The following VDAC3 variants were observed in gnomAD, a reference collection of about 807,000 sequenced individuals.
VDAC3 encodes the protein voltage dependent anion channel 3, also known as non-selective voltage-gated ion channel VDAC3.
A neutral mutation model predicts 33.9 loss-of-function variants in VDAC3; 7 were observed. That is an observed-to-expected ratio of 0.21 (90% confidence interval 0.12 to 0.39). The LOEUF is 0.39. Among genes scored for constraint, VDAC3 ranks in the 10% least tolerant of loss-of-function variants. The probability of loss-of-function intolerance (pLI) is 1.00; values close to 1 mark genes in which losing one functional copy is unlikely to be tolerated. For missense variants in VDAC3, 261 were observed against 334.5 expected, an observed-to-expected ratio of 0.78 and a Z score of 1.71; for synonymous variants, 100 against 122.4, an observed-to-expected ratio of 0.82 and a Z score of 1.21.
intron 8 of VDAC3, among the ~76,000 whole-genome samples, chr8:42,404,049 T>A (rs1161138913): frequency 1.3e-5 from 2 of 152,158 alleles, no homozygotes; most frequent in African/African-American, 4.8e-5. Flanking sequence ...CTATAGTAAC[T>A]CTTACTAAAA....
At chr8:42,395,271 A>G in intron 4 of VDAC3, 138 bp downstream of exon 4, 1 of 1,309,592 alleles carries the variant, frequency 7.6e-7, no homozygotes, top group Non-Finnish European at 1.0e-6. Flanking sequence ...TTTAAACAGC[A>G]TTCTTAGCCA....
rs1410393602 is a variant in VDAC3, at chr8:42,405,805, T to G, written c.*343T>G. On this transcript the variant is annotated 3_prime_UTR_variant, in exon 10 of 10. Coordinates refer to ENST00000022615, the MANE Select transcript of VDAC3 (RefSeq NM_005662.7). The stretch of plus-strand genomic sequence containing the variant: ...CTGCATGTCCCACACCATTTTTTCA[T>G]GACCTTGTAATATACTGGTCTCTGT... 1 of 213,028 alleles carries G rather than the reference T, an allele frequency of 4.7e-6. No individual in the cohort carries two copies. The allele number at this position is 213,028 out of a possible 1,614,324, so 13.2% of individuals were successfully genotyped here.
At chr8:42,399,030 CTTTG>C (rs1472276815) in intron 5 of VDAC3, among the ~76,000 whole-genome samples, 166 bp downstream of exon 5, 8 of 151,610 alleles carry the variant, frequency 5.3e-5, no homozygotes, top group African/African-American at 1.7e-4. Context: ...GAAAATAAGG[CTTTG>C]TTTGTGAGTA....
rs188578293 is a variant in VDAC3, at chr8:42,402,002, C to T, written c.538C>T (p.Leu180=). The change falls in exon 7 of 10, where the codon CTG becomes TTG. Residue 180 remains leucine, a synonymous_variant. Transcript: ENST00000022615. The part of the protein sequence containing the change: ...ALGYKAADFQ[L]HTHVNDGTEF... ...GGGTTACAAGGCTGCGGACTTCCAG[C>T]TGCACACACATGTGTGAGTGTTTAT... 2.8e-4 allele frequency: 457 copies of T among 1,614,240 alleles called. No homozygotes were observed. The highest frequency in any genetic ancestry group is 3.7e-4 in the Non-Finnish European group (440 of 1,180,030).
chr8:42,403,511 T>G (rs1016484223), intron 8 of VDAC3, 50 bp downstream of exon 8: 15 of 1,497,494 alleles, frequency 1.0e-5, no homozygotes, highest in Middle Eastern at 3.6e-4. Flanking sequence ...GTGTCTAAGT[T>G]TTCAGAGAAT....
intron 6 of VDAC3, among the ~76,000 whole-genome samples, chr8:42,400,910 G>T (rs1056136442): frequency 6.6e-6 from 1 of 151,704 alleles, no homozygotes; most frequent in South Asian, 2.1e-4. Context: ...GTTCCGCCTG[G>T]CTCGGCCTCC....
chr8:42,396,646 CA>C (rs1340616425), intron 4 of VDAC3: 3 of 691,124 alleles, frequency 4.3e-6, no homozygotes, highest in Non-Finnish European at 7.9e-6. Context: ...ATCTCCCTTT[CA>C]TGCTGCTGTT....
chr8:42,394,018 C>T (rs898056446), intron 2 of VDAC3, 134 bp downstream of exon 2: 1 of 510,882 alleles, frequency 2.0e-6, no homozygotes, highest in East Asian at 3.1e-5. Context: ...GTTTTATTCT[C>T]AGTATTCTGG....
At chr8:42,394,479 C>T (rs1802269462) in intron 3 of VDAC3, among the ~76,000 whole-genome samples, 1 of 152,164 alleles carries the variant, frequency 6.6e-6, no homozygotes. Context: ...CAATTATATA[C>T]ATATACAGAT....
chr8:42,397,961 AC>A (rs58192989), intron 4 of VDAC3, among the ~76,000 whole-genome samples: 28,897 of 152,070 alleles, frequency 0.19, 5,888 homozygotes, highest in African/African-American at 0.51. Flanking sequence ...ATAAAAAAAA[AC>A]ATTTTTAAAA....
intron 9 of VDAC3, 52 bp downstream of exon 9, chr8:42,404,976 A>G (rs760492362): frequency 6.5e-7 from 1 of 1,531,954 alleles, no homozygotes; most frequent in South Asian, 1.1e-5. Context: ...TGATAGAGAA[A>G]ACAATGAAAA....
At chr8:42,404,670 C>T (rs948264849) in intron 8 of VDAC3, among the ~76,000 whole-genome samples, 197 bp from the exon 9 acceptor site, 5 of 147,626 alleles carry the variant, frequency 3.4e-5, no homozygotes, top group African/African-American at 1.0e-4. Flanking sequence ...TGCAGTGAGC[C>T]GAGATCGTGC....
intron 9 of VDAC3, 35 bp from the exon 10 acceptor site, chr8:42,405,336 T>C: frequency 6.5e-7 from 1 of 1,539,298 alleles, no homozygotes; most frequent in Non-Finnish European, 9.0e-7. Flanking sequence ...TTGTAATACT[T>C]GTTTCAAGTG....
Position 42,403,334 on chromosome 8 carries a change from G to T in VDAC3, c.575G>T (p.Gly192Val). The part of the protein sequence containing the change: ...THVNDGTEFG[G>V]SIYQKVNEKI... ...AGGAACGATGGCACTGAATTTGGAG[G>T]TTCTATCTACCAGAAGGTGAATGAG... Residue 192 changes from glycine to valine, a missense_variant, in exon 8 of 10, where the codon GGT (glycine) becomes GTT (valine). Coordinates refer to ENST00000022615, the MANE Select transcript of VDAC3 (RefSeq NM_005662.7). 6.2e-7 allele frequency: 1 copy of T among 1,614,012 alleles called. No individual in the cohort carries two copies. The highest frequency in any genetic ancestry group is 2.2e-5 in the East Asian group (1 of 44,864).
chr8:42,397,920 G>T (rs1202622519), intron 4 of VDAC3, among the ~76,000 whole-genome samples: 1 of 151,784 alleles, frequency 6.6e-6, no homozygotes, highest in Non-Finnish European at 1.5e-5. Flanking sequence ...TTATTAAAAT[G>T]GTAAAATGTA....
chr8:42,395,035 A>G lies in VDAC3; in HGVS notation c.68-49A>G, dbSNP rs762921318. The G allele has an allele frequency of 3.7e-6, 6 of 1,611,506 alleles. No homozygotes were observed. The Admixed American group carries it at 8.3e-5, about 22-fold the overall frequency. On this transcript the variant is annotated intron_variant, in intron 3 of 9. Coordinates refer to ENST00000022615, the MANE Select transcript of VDAC3 (RefSeq NM_005662.7). ...AATTTCTGAGTTGCAAAAACTAGTGAATGTCACATTTTGTACATTACTGTG... is the reference window on the plus strand; with the variant it reads ...AATTTCTGAGTTGCAAAAACTAGTGGATGTCACATTTTGTACATTACTGTG...
rs530379101 is a variant in VDAC3, at chr8:42,397,964, T to C, written c.118-748T>C. ...GTATTTACCACAATAAAAAAAAACATTTTTAAAAGGAAGTAGTAAAGTGTT... is the reference window on the plus strand; with the variant it reads ...GTATTTACCACAATAAAAAAAAACACTTTTAAAAGGAAGTAGTAAAGTGTT... On this transcript the variant is annotated intron_variant, in intron 4 of 9. Transcript: ENST00000022615. Among the ~76,000 whole-genome samples, 8 of 152,134 alleles carry C rather than the reference T, an allele frequency of 5.3e-5. No individual in the cohort carries two copies. In the South Asian group the frequency reaches 1.7e-3, roughly 32 times the overall value.
In VDAC3 at chr8:42,395,079, T is replaced by C. The variant is rs371761191; in HGVS notation, c.68-5T>C. The C allele has an allele frequency of 4.3e-6, 7 of 1,613,996 alleles. 1 individual carries two copies. Among genetic ancestry groups the C allele is most frequent in the Non-Finnish European group, 5.1e-6 (6 of 1,179,956 alleles). ...TACTGTGTTTTTGTGTGTGTGTGTG[T>C]ATAGGCTTTGGCATGGTCAAGATAG... On this transcript the variant is annotated splice_region_variant and splice_polypyrimidine_tract_variant and intron_variant, in intron 3 of 9. Coordinates refer to ENST00000022615, the MANE Select transcript of VDAC3 (RefSeq NM_005662.7).
chr8:42,404,755 G>C, intron 8 of VDAC3, 112 bp from the exon 9 acceptor site: 1 of 623,850 alleles, frequency 1.6e-6, no homozygotes, highest in East Asian at 3.4e-5. Flanking sequence ...AGTAATTCTA[G>C]ATTGGCCCTA....
Sources: gnomAD v4.1 joint callset for allele counts (sites outside exome capture counted in the v4.1 genomes callset) on GRCh38, gnomAD v4.1.1 for gene constraint, MANE v1.5 for transcripts, NCBI Gene and HGNC (gene_info 2026-07-23, HGNC 2026-07-21) for gene names.